The following CERT1 variants were observed in gnomAD, a reference collection of about 807,000 sequenced individuals.
CERT1 encodes the protein ceramide transporter 1.
A neutral mutation model predicts 87.9 loss-of-function variants in CERT1; 31 were observed. That is an observed-to-expected ratio of 0.35 (90% CI 0.27 to 0.48). The LOEUF is 0.48. CERT1 is among the 20% of genes least tolerant of loss of function. The probability of loss-of-function intolerance (pLI) is 0.99; values close to 1 mark genes in which losing one functional copy is unlikely to be tolerated. For synonymous variants in CERT1, 289 were observed against 250.9 expected (o/e 1.15, Z -1.44); for missense variants, 487 against 758.0 (o/e 0.64, Z 4.20).
chr5:75,425,009 C>T (rs112261869), intron 5 of CERT1, among the ~76,000 whole-genome samples: 22 of 152,040 alleles, frequency 1.4e-4, no homozygotes, highest in African/African-American at 5.3e-4. Flanking sequence ...TCCTAGCAAC[C>T]TGGGTGGCTG....
intron 11 of CERT1, 54 bp from the exon 12 acceptor site, chr5:75,389,741 A>C (rs1761956084): frequency 7.4e-7 from 1 of 1,358,416 alleles, no homozygotes. Context: ...CATAATCTCT[A>C]AAACAGAATG....
chr5:75,397,229 T>G (rs1023403159), intron 11 of CERT1, among the ~76,000 whole-genome samples: 3 of 152,230 alleles, frequency 2.0e-5, no homozygotes, highest in African/African-American at 7.2e-5. Flanking sequence ...AATGTTATTT[T>G]CTTCATTTTT....
intron 7 of CERT1, among the ~76,000 whole-genome samples, chr5:75,415,928 T>C (rs1763115729): frequency 6.6e-6 from 1 of 152,298 alleles, no homozygotes; most frequent in South Asian, 2.1e-4. Flanking sequence ...AGAAGACATA[T>C]TCCTAATCAA....
chr5:75,418,873 TA>T (rs1189823993), intron 6 of CERT1, among the ~76,000 whole-genome samples: 6 of 152,206 alleles, frequency 3.9e-5, no homozygotes, highest in Non-Finnish European at 8.8e-5. Context: ...GAAGGTGATA[TA>T]AATGTTAACT....
intron 9 of CERT1, chr5:75,401,776 A>T (rs1245578331): frequency 2.0e-5 from 3 of 152,230 alleles, no homozygotes; most frequent in Non-Finnish European, 4.4e-5. Context: ...CCTTAGGTAG[A>T]CCAATAAGAG....
chr5:75,458,971 A>G (rs1765116542), intron 3 of CERT1, 94 bp downstream of exon 3: 8 of 679,976 alleles, frequency 1.2e-5, no homozygotes, highest in Admixed American at 2.3e-5. Flanking sequence ...TCAATGTTTC[A>G]GTAACTAATG....
At chr5:75,414,155 T>C (rs1233206703) in intron 7 of CERT1, among the ~76,000 whole-genome samples, 1 of 152,214 alleles carries the variant, frequency 6.6e-6, no homozygotes, top group Non-Finnish European at 1.5e-5. Flanking sequence ...AAAAGTATAC[T>C]GTATGATTCC....
At chr5:75,434,278 TTC>T (rs974455197) in intron 3 of CERT1, among the ~76,000 whole-genome samples, 1 of 152,092 alleles carries the variant, frequency 6.6e-6, no homozygotes, top group African/African-American at 2.4e-5. Flanking sequence ...TCATTTCTAG[TTC>T]TGTTTATCTG....
intron 11 of CERT1, among the ~76,000 whole-genome samples, chr5:75,393,657 C>A (rs192002908): frequency 2.1e-4 from 27 of 129,506 alleles, no homozygotes; most frequent in African/African-American, 6.9e-4. Context: ...CAGCTCAGAT[C>A]TCTTTTATGC....
chr5:75,459,887 G>T (rs1047528116), intron 2 of CERT1, among the ~76,000 whole-genome samples: 2 of 150,872 alleles, frequency 1.3e-5, no homozygotes, highest in Admixed American at 1.3e-4. Context: ...GCTTAAACCC[G>T]GGAGGCCGAG....
At chr5:75,510,226 A>AT (rs973587418) in intron 1 of CERT1, among the ~76,000 whole-genome samples, 1 of 152,068 alleles carries the variant, frequency 6.6e-6, no homozygotes, top group African/African-American at 2.4e-5. Context: ...CATGTCTAAA[A>AT]AAGTTTAACA....
At chr5:75,429,309 C>A (rs1452908668) in intron 3 of CERT1, among the ~76,000 whole-genome samples, 1 of 151,974 alleles carries the variant, frequency 6.6e-6, no homozygotes, top group Non-Finnish European at 1.5e-5. Flanking sequence ...TCAAATGATT[C>A]TCCTGCCTCA....
chr5:75,413,776 C>A (rs897931232), intron 7 of CERT1, among the ~76,000 whole-genome samples: 2 of 151,990 alleles, frequency 1.3e-5, no homozygotes, highest in Non-Finnish European at 2.9e-5. Flanking sequence ...TACCAAAATG[C>A]TGTCAAGAAT....
intron 8 of CERT1, among the ~76,000 whole-genome samples, chr5:75,406,943 T>C (rs1762729264): frequency 6.6e-6 from 1 of 152,150 alleles, no homozygotes; most frequent in Non-Finnish European, 1.5e-5. Context: ...AATTAGAACA[T>C]CATGAATGTC....
chr5:75,380,498 T>G (rs1580690451), intron 16 of CERT1, among the ~76,000 whole-genome samples: 1 of 152,164 alleles, frequency 6.6e-6, no homozygotes, highest in East Asian at 1.9e-4. Flanking sequence ...GTGCTTAATA[T>G]GAAGGCTAGG....
At chr5:75,439,149 T>C (rs960327934) in intron 3 of CERT1, among the ~76,000 whole-genome samples, 1 of 151,688 alleles carries the variant, frequency 6.6e-6, no homozygotes, top group Non-Finnish European at 1.5e-5. Flanking sequence ...AATTAAATAA[T>C]ATAGTTCAAA....
At chr5:75,435,372 CTT>C (rs1764049076) in intron 3 of CERT1, among the ~76,000 whole-genome samples, 1 of 152,218 alleles carries the variant, frequency 6.6e-6, no homozygotes, top group Non-Finnish European at 1.5e-5. Flanking sequence ...TCAACCTTCT[CTT>C]GTTTGTCAAG....
chr5:75,382,697 T>A (rs1440834858), intron 14 of CERT1, among the ~76,000 whole-genome samples: 2 of 151,734 alleles, frequency 1.3e-5, no homozygotes, highest in East Asian at 1.9e-4. Context: ...TTACTTTTAT[T>A]TTGGTTATCT....
chr5:75,491,488 G>A (rs1469195918), intron 2 of CERT1, among the ~76,000 whole-genome samples: 1 of 151,832 alleles, frequency 6.6e-6, no homozygotes, highest in Non-Finnish European at 1.5e-5. Context: ...TGATCTGTCT[G>A]GTTAGTTTTT....
Sources: allele counts gnomAD v4.1 joint callset (sites outside exome capture counted in the v4.1 genomes callset), GRCh38; gene constraint gnomAD v4.1.1; transcripts MANE v1.5; gene names NCBI Gene and HGNC (gene_info 2026-07-23, HGNC 2026-07-21).